The following NTM variants were observed in gnomAD, a reference collection of about 807,000 sequenced individuals.
NTM encodes the protein neurotrimin, also known as IgLON family member 2.
A neutral mutation model predicts 42.1 loss-of-function variants in NTM; 13 were observed. That is an observed-to-expected ratio of 0.31 (90% CI 0.20 to 0.49). The LOEUF is 0.49. Ranked by LOEUF, NTM falls within the 20% of genes least tolerant of loss-of-function variation. The probability of loss-of-function intolerance (pLI) is 0.99; values close to 1 mark genes in which losing one functional copy is unlikely to be tolerated. For missense variants in NTM, 373 were observed against 452.8 expected (o/e 0.82, Z 1.60); for synonymous variants, 187 against 179.2 (o/e 1.04, Z -0.35).
intron 2 of NTM, among the ~76,000 whole-genome samples, chr11:131,979,284 A>G (rs1483705842): frequency 1.3e-5 from 2 of 152,176 alleles, no homozygotes; most frequent in Non-Finnish European, 2.9e-5. Flanking sequence ...AAAAAAATCA[A>G]TCCATCTCCC....
intron 4 of NTM, among the ~76,000 whole-genome samples, chr11:132,253,329 G>A (rs186216189): frequency 1.3e-4 from 20 of 152,282 alleles, no homozygotes; most frequent in Admixed American, 1.2e-3. Context: ...AAAATTGAGA[G>A]TCGGGCTTAT....
chr11:131,487,741 AAG>A, intron 1 of NTM, among the ~76,000 whole-genome samples: 2 of 150,038 alleles, frequency 1.3e-5, no homozygotes, highest in East Asian at 3.9e-4. Context: ...CTTAAAGAAA[AAG>A]GGGGAAGGGA....
rs752436874 is a variant in NTM at position 132,146,326 on chromosome 11, G to A, written c.212G>A (p.Arg71His). The change falls in exon 3 of 9, where the codon CGC (arginine) becomes CAC (histidine). Residue 71 changes from arginine to histidine, a missense_variant. Physicochemically the swap from Arg to His is conservative, Grantham distance 29. This residue lies in a region of NTM where 32 missense variants were observed against 68.8 expected (regional missense o/e 0.47). Transcript: ENST00000683400. This position sits in a 1 kb window ranked among gnomAD's most constrained non-coding sequence, Gnocchi z 4.5. ...NRVTRVAWLN[R>H]STILYAGNDK... ...GTCACCCGGGTGGCCTGGCTAAACCGCAGCACCATCCTCTATGCTGGGAAT... is the reference window on the plus strand; with the variant it reads ...GTCACCCGGGTGGCCTGGCTAAACCACAGCACCATCCTCTATGCTGGGAAT... The A allele has an allele frequency of 5.0e-6, 8 of 1,614,186 alleles. No homozygotes were observed. Among genetic ancestry groups the A allele is most frequent in the East Asian group, 2.2e-5 (1 of 44,874 alleles).
At chr11:132,130,095 G>C (rs555889981) in intron 2 of NTM, among the ~76,000 whole-genome samples, 1 of 152,288 alleles carries the variant, frequency 6.6e-6, no homozygotes, top group Non-Finnish European at 1.5e-5. Flanking sequence ...TTGGGAGTAG[G>C]AGATTTGTTT....
chr11:132,300,801 C>G, intron 4 of NTM, among the ~76,000 whole-genome samples: 1 of 152,182 alleles, frequency 6.6e-6, no homozygotes, highest in East Asian at 1.9e-4. Flanking sequence ...TCTGGTATTT[C>G]TTGGAGTCCC....
At chr11:132,110,269 G>A (rs185951982) in intron 2 of NTM, among the ~76,000 whole-genome samples, 1 of 152,326 alleles carries the variant, frequency 6.6e-6, no homozygotes, top group African/African-American at 2.4e-5. Flanking sequence ...ACAAATGAAT[G>A]AATGATTACA....
Position 132,310,226 on chromosome 11 carries a change from A to G in NTM, c.776A>G (p.Asp259Gly). 6.3e-7 allele frequency: 1 copy of G among 1,598,228 alleles called. No individual in the cohort carries two copies. The highest frequency in any genetic ancestry group is 8.5e-7 in the Non-Finnish European group (1 of 1,174,748). Residue 259 changes from aspartate (D) to glycine (G), a missense_variant, in exon 6 of 9, where the codon GAC becomes GGC. Asp to Gly is a moderately conservative substitution (Grantham distance 94). This residue lies in a region of NTM where 312 missense variants were observed against 353.5 expected (regional missense o/e 0.88). Transcript: ENST00000683400. Reference sequence around the variant, plus strand: ...GCAGAATTCCAGTGGTACAAGGATGACAAAAGGTAAAGCTTCCTTCTTTCC... The same window carrying G: ...GCAGAATTCCAGTGGTACAAGGATGGCAAAAGGTAAAGCTTCCTTCTTTCC... ...PSAEFQWYKD[D>G]KRLIEGKKGV...
At chr11:131,696,224 TGAC>T (rs1430880333) in intron 1 of NTM, among the ~76,000 whole-genome samples, 1 of 152,106 alleles carries the variant, frequency 6.6e-6, no homozygotes. Flanking sequence ...TGTCACGTGA[TGAC>T]TGTGGAAGGA....
At chr11:132,311,487 T>G (rs2095279339) in intron 6 of NTM, among the ~76,000 whole-genome samples, 1 of 152,316 alleles carries the variant, frequency 6.6e-6, no homozygotes, top group Admixed American at 6.5e-5. Flanking sequence ...GGCTTTCCCC[T>G]TCTTCCAAGA....
intron 1 of NTM, among the ~76,000 whole-genome samples, chr11:131,789,526 A>G (rs1465928532): frequency 3.8e-5 from 1 of 26,532 alleles, no homozygotes; most frequent in African/African-American, 2.2e-4. Context: ...AAGAAGAAGA[A>G]GAAGAAGAAG....
chr11:131,470,918 G>A (rs1952375030), intron 1 of NTM, among the ~76,000 whole-genome samples: 1 of 152,146 alleles, frequency 6.6e-6, no homozygotes, highest in African/African-American at 2.4e-5. Context: ...TCTAGACCAT[G>A]TAATCCATTT....
At position 131,789,646 on chromosome 11, in the gene NTM, A is replaced by AAG. The variant is rs1402950203; in HGVS notation, c.83-121916_83-121915dup. On this transcript the variant is annotated intron_variant, in intron 1 of 8. Transcript: ENST00000683400. ...AGAAGAAGAAGAAGAAAAGAAGAAG[A>AAG]AGAAGAAGAAGAAGAAGAAGAAAGC... Among the ~76,000 whole-genome samples, 3 of 127,974 alleles carry AAG rather than the reference A, an allele frequency of 2.3e-5. 1 individual carries two copies. The Admixed American group carries it at 3.2e-4, about 14-fold the overall frequency. 84.0% of individuals were successfully genotyped at this position (127,974 alleles called of 152,430 possible). A position where few individuals can be genotyped will look rare whatever the true frequency, so the allele number is the denominator to read the frequency against.
At chr11:132,048,456 A>G (rs1175763256) in intron 2 of NTM, among the ~76,000 whole-genome samples, 1 of 152,226 alleles carries the variant, frequency 6.6e-6, no homozygotes, top group African/African-American at 2.4e-5. Flanking sequence ...CTAACAGGAC[A>G]ACCATGACAG....
intron 1 of NTM, among the ~76,000 whole-genome samples, chr11:131,873,891 A>G (rs1344386961): frequency 7.1e-6 from 1 of 140,788 alleles, no homozygotes; most frequent in Non-Finnish European, 1.5e-5. Context: ...CCCACTTATG[A>G]GTGAGAACAT....
intron 1 of NTM, among the ~76,000 whole-genome samples, chr11:131,456,776 T>C (rs553331401): frequency 1.0e-3 from 157 of 152,336 alleles, no homozygotes; most frequent in Admixed American, 1.6e-3. Flanking sequence ...CACTAGCATG[T>C]TCCTTTGAGG....
chr11:131,375,710 T>C (rs1038198040), intron 1 of NTM, among the ~76,000 whole-genome samples: 1 of 152,178 alleles, frequency 6.6e-6, no homozygotes, highest in Non-Finnish European at 1.5e-5. Context: ...TAATCTGGAT[T>C]GGCAAAGGGT....
chr11:132,303,987 C>G (rs778850399), intron 4 of NTM, among the ~76,000 whole-genome samples: 15 of 152,110 alleles, frequency 9.9e-5, no homozygotes, highest in Non-Finnish European at 1.5e-4. Flanking sequence ...GGTGACCTAC[C>G]CCATCATGAA....
chr11:131,373,731 C>G (rs1432874704), intron 1 of NTM, among the ~76,000 whole-genome samples: 1 of 152,110 alleles, frequency 6.6e-6, no homozygotes, highest in Non-Finnish European at 1.5e-5. Flanking sequence ...GAAAACCGAC[C>G]ATTTCTCCTT....
intron 1 of NTM, among the ~76,000 whole-genome samples, chr11:131,812,861 C>G (rs1342240997): frequency 2.6e-5 from 4 of 152,082 alleles, no homozygotes; most frequent in Admixed American, 6.6e-5. Context: ...CTGTGAGGAG[C>G]TTGAGGCAGG....
Sources: allele counts gnomAD v4.1 joint callset (sites outside exome capture counted in the v4.1 genomes callset), GRCh38; gene constraint gnomAD v4.1.1; regional missense constraint gnomAD v4.1.1; non-coding constraint Gnocchi (gnomAD v3.1); transcripts MANE v1.5; gene names NCBI Gene and HGNC (gene_info 2026-07-23, HGNC 2026-07-21).